Variants in ZNF485 observed in about 807,000 individuals in gnomAD.
ZNF485 encodes the protein Zinc finger protein 93 (Zinc finger protein HTF34).
In ZNF485, 9 loss-of-function variants were observed where a neutral mutation model predicts 10.8. The observed-to-expected ratio is 0.83, with a 90% CI of 0.50 to 1.45. The LOEUF (loss-of-function observed/expected upper bound fraction) is 1.45, where lower values mean the gene tolerates loss of function less well. ZNF485 is among the 40% of genes most tolerant of loss of function. ZNF485 has a pLI of 0.00. For synonymous variants in ZNF485, 187 were observed against 181.0 expected, an observed-to-expected ratio of 1.03 and a Z score of -0.27; for missense variants, 487 against 528.0, an observed-to-expected ratio of 0.92 and a Z score of 0.76.
At chr10:43,610,518 T>C (rs1407877881) in intron 4 of ZNF485, among the ~76,000 whole-genome samples, 1 of 152,218 alleles carries the variant, frequency 6.6e-6, no homozygotes, top group East Asian at 1.9e-4. Context: ...CCTAAATTCT[T>C]GTGTAGATTC....
chr10:43,611,409 T>A (rs1354151133), intron 4 of ZNF485, among the ~76,000 whole-genome samples: 1 of 152,144 alleles, frequency 6.6e-6, no homozygotes, highest in East Asian at 1.9e-4. Flanking sequence ...ACTTTATGGA[T>A]GTCCTATAAT....
chr10:43,616,592 A>G lies in ZNF485; in HGVS notation c.549A>G (p.Lys183=), dbSNP rs768785714. 1.1e-5 allele frequency: 17 copies of G among 1,614,146 alleles called. No individual in the cohort carries two copies. The highest frequency in any genetic ancestry group is 1.0e-4 in the Admixed American group (6 of 60,014). The change falls in exon 5 of 5, where the codon AAA becomes AAG. Residue 183 remains lysine, a synonymous_variant. Coordinates refer to ENST00000361807, the MANE Select transcript of ZNF485 (RefSeq NM_145312.4). ...ATCACCATAAGGTTCATGCAGGCAA[A>G]CAGCCTTATAGATGTATTGAATGTG... ...LLNHHKVHAG[K]QPYRCIECGK...
At position 43,617,386 on chromosome 10, in the gene ZNF485, G is replaced by C. The variant is rs1402270491; in HGVS notation, c.*17G>C. 1 of 1,507,900 alleles carries C rather than the reference G, an allele frequency of 6.6e-7. No homozygotes were observed. The highest frequency in any genetic ancestry group is 2.3e-5 in the East Asian group (1 of 44,226). The allele number at this position is 1,507,900 out of a possible 1,614,324, so 93.4% of individuals were successfully genotyped here. A position where few individuals can be genotyped will look rare whatever the true frequency, so the allele number is the denominator to read the frequency against. ...TGTAGTTAGTGTGGCAAATTGTGCA[G>C]AGTAGTTTATTCCTTCTGACCATCA... On this transcript the variant is annotated 3_prime_UTR_variant, in exon 5 of 5. Coordinates refer to ENST00000361807, the MANE Select transcript of ZNF485 (RefSeq NM_145312.4).
At chr10:43,616,163 TG>T in intron 4 of ZNF485, 127 bp from the exon 5 acceptor site, 1 of 678,360 alleles carries the variant, frequency 1.5e-6, no homozygotes, top group Non-Finnish European at 2.3e-6. Context: ...GAATCACAAG[TG>T]GGACACATTA....
chr10:43,607,023 T>A lies in ZNF485; in HGVS notation c.-28T>A. Reference sequence around the variant, plus strand: ...TTGACTTACGCAGGATTCTCAGCCCTTGCCTGGGAGAACAGTTCAGGAGAC... The same window carrying A: ...TTGACTTACGCAGGATTCTCAGCCCATGCCTGGGAGAACAGTTCAGGAGAC... On this transcript the variant is annotated 5_prime_UTR_variant, in exon 2 of 5. In the 5' UTR this introduces an upstream ATG that the reference lacks. Transcript: ENST00000361807. 6.4e-7 allele frequency: 1 copy of A among 1,551,782 alleles called. No homozygotes were observed.
chr10:43,611,477 A>T (rs1838767340), intron 4 of ZNF485, among the ~76,000 whole-genome samples: 1 of 152,220 alleles, frequency 6.6e-6, no homozygotes, highest in Non-Finnish European at 1.5e-5. Context: ...TGCAGTGATT[A>T]TCCTCATACA....
intron 3 of ZNF485, 67 bp from the exon 4 acceptor site, chr10:43,609,188 C>A: frequency 1.6e-6 from 2 of 1,238,766 alleles, no homozygotes; most frequent in Non-Finnish European, 2.3e-6. Flanking sequence ...GTGCTTGTAA[C>A]CGCCATCACA....
In ZNF485 at chr10:43,608,744, A is replaced by C; in HGVS notation, c.151+4A>C. On this transcript the variant is annotated splice_donor_region_variant and intron_variant, in intron 3 of 4. Coordinates refer to ENST00000361807, the MANE Select transcript of ZNF485 (RefSeq NM_145312.4). ...TATGGGAATCTGGTGTCTGTGGGTG[A>C]GGATGGCTTTCTCCTTGACTCAGGA... The C allele has an allele frequency of 1.9e-6, 3 of 1,613,492 alleles. No homozygotes were observed. The highest frequency in any genetic ancestry group is 3.3e-4 in the Middle Eastern group (2 of 6,060).
chr10:43,616,153 G>T, intron 4 of ZNF485, 138 bp from the exon 5 acceptor site: 1 of 614,620 alleles, frequency 1.6e-6, no homozygotes, highest in African/African-American at 1.9e-5. Flanking sequence ...TTCTCAGCAA[G>T]AATCACAAGT....
intron 4 of ZNF485, among the ~76,000 whole-genome samples, chr10:43,614,976 T>A (rs1373006015): frequency 6.6e-6 from 1 of 152,204 alleles, no homozygotes; most frequent in East Asian, 1.9e-4. Flanking sequence ...AGCTTTACAA[T>A]CAGTATCTTG....
chr10:43,609,414 T>A, intron 4 of ZNF485, 64 bp downstream of exon 4: 1 of 1,296,208 alleles, frequency 7.7e-7, no homozygotes, highest in Non-Finnish European at 1.1e-6. Flanking sequence ...GGTTCCTGAG[T>A]GGAAGCTCAT....
Position 43,617,533 on chromosome 10 carries a change from T to TGTATGTCAGTATGGAAGTA in ZNF485, c.*167_*185dup. The TGTATGTCAGTATGGAAGTA allele has an allele frequency of 1.7e-6, 1 of 580,846 alleles. No homozygotes were observed. The highest frequency in any genetic ancestry group is 3.0e-6 in the Non-Finnish European group (1 of 338,846). The allele number at this position is 580,846 out of a possible 1,614,324, so 36.0% of individuals were successfully genotyped here. On this transcript the variant is annotated 3_prime_UTR_variant, in exon 5 of 5. Coordinates refer to ENST00000361807, the MANE Select transcript of ZNF485 (RefSeq NM_145312.4). ...TAGTGAAATATTTGAAGAAACTAAA[T>TGTATGTCAGTATGGAAGTA]GTATGTCAGTATGGAAGTAGTTATA...
intron 4 of ZNF485, among the ~76,000 whole-genome samples, chr10:43,609,882 G>A (rs536499849): frequency 3.3e-5 from 5 of 152,080 alleles, no homozygotes; most frequent in South Asian, 2.1e-4. Context: ...ATGGAGTGTC[G>A]CTATATTAGT....
intron 4 of ZNF485, among the ~76,000 whole-genome samples, chr10:43,612,183 G>GT (rs1838780072): frequency 6.6e-6 from 1 of 152,070 alleles, no homozygotes; most frequent in Non-Finnish European, 1.5e-5. Flanking sequence ...ATTTTGATCT[G>GT]TTTCTGTGGT....
rs1838879899 is a variant in ZNF485, at chr10:43,617,172, ACT to A, written c.1130_1131del (p.Thr377ArgfsTer8). On this transcript the variant is annotated frameshift_variant, in exon 5 of 5. Transcript: ENST00000361807. LOFTEE classifies it low-confidence loss of function (END_TRUNC). Reference protein sequence around the residue: ...STLTGHQRIHTGEKPYHCKKC... With the variant: ...STLTGHQRIHXGEKPYHCKKC... The stretch of plus-strand genomic sequence containing the variant: ...CCTTACTGGACATCAGAGAATTCAT[ACT>A]GGAGAAAAACCCTATCACTGTAAGA... The A allele has an allele frequency of 6.2e-7, 1 of 1,614,082 alleles. No individual in the cohort carries two copies. Among genetic ancestry groups the A allele is most frequent in the African/African-American group, 1.3e-5 (1 of 74,936 alleles).
At chr10:43,614,589 C>T (rs1210791359) in intron 4 of ZNF485, among the ~76,000 whole-genome samples, 1 of 152,086 alleles carries the variant, frequency 6.6e-6, no homozygotes, top group Non-Finnish European at 1.5e-5. Context: ...CCACCGTGCC[C>T]AGCCCAGTTC....
At position 43,616,890 on chromosome 10, in the gene ZNF485, T is replaced by C. The variant is rs1180411683; in HGVS notation, c.847T>C (p.Ser283Pro). Residue 283 changes from serine (S) to proline (P), a missense_variant, in exon 5 of 5, where the codon TCA becomes CCA. Ser to Pro is a moderately conservative substitution (Grantham distance 74). Coordinates refer to ENST00000361807, the MANE Select transcript of ZNF485 (RefSeq NM_145312.4). ...NKCGRAFRDNSTVLEHQKIHT... is the reference protein window; with the variant it reads ...NKCGRAFRDNPTVLEHQKIHT... ...GTGTGGGAGAGCTTTCAGGGATAAT[T>C]CAACTGTGTTGGAACATCAGAAAAT... 6.2e-7 allele frequency: 1 copy of C among 1,614,068 alleles called. No individual in the cohort carries two copies. Among genetic ancestry groups the C allele is most frequent in the East Asian group, 2.2e-5 (1 of 44,880 alleles).
In ZNF485 at chr10:43,617,020, A is replaced by G. The variant is rs1296998191; in HGVS notation, c.977A>G (p.Tyr326Cys). ...HQRMHTGEKP[Y>C]HCSKCGKSFR... ...AGAATGCATACTGGGGAGAAACCCT[A>G]TCACTGCAGTAAATGTGGAAAATCT... Residue 326 changes from tyrosine (Y) to cysteine (C), a missense_variant, in exon 5 of 5, where the codon TAT becomes TGT. Physicochemically the swap from Tyr to Cys is radical, Grantham distance 194. Coordinates refer to ENST00000361807, the MANE Select transcript of ZNF485 (RefSeq NM_145312.4). The G allele has an allele frequency of 1.2e-6, 2 of 1,614,224 alleles. No homozygotes were observed. Among genetic ancestry groups the G allele is most frequent in the East Asian group, 2.2e-5 (1 of 44,886 alleles).
intron 4 of ZNF485, among the ~76,000 whole-genome samples, chr10:43,613,770 T>G (rs929189381): frequency 6.6e-6 from 1 of 152,258 alleles, no homozygotes. Flanking sequence ...TTCCCAGTTA[T>G]ACTCCTTCAT....
Sources: gnomAD v4.1 joint callset for allele counts (sites outside exome capture counted in the v4.1 genomes callset) on GRCh38, gnomAD v4.1.1 for gene constraint, MANE v1.5 for transcripts, NCBI Gene and HGNC (gene_info 2026-07-23, HGNC 2026-07-21) for gene names.